The following MBOAT1 variants were observed in gnomAD, a reference collection of about 807,000 sequenced individuals.
The protein encoded by MBOAT1 is membrane-bound glycerophospholipid O-acyltransferase 1.
Under a neutral mutation model 64.4 loss-of-function variants are expected in MBOAT1, and 67 were observed. That is an observed-to-expected ratio of 1.04 (90% CI 0.85 to 1.27). The LOEUF (loss-of-function observed/expected upper bound fraction) is 1.27. Ranked by LOEUF, MBOAT1 falls within the 50% of genes most tolerant of loss-of-function variation. MBOAT1 has a pLI of 0.00. For missense variants in MBOAT1, 563 were observed against 604.6 expected (o/e 0.93, Z 0.72); for synonymous variants, 229 against 218.9 (o/e 1.05, Z -0.41).
intron 3 of MBOAT1, among the ~76,000 whole-genome samples, chr6:20,146,713 C>A (rs1739126166): frequency 6.6e-6 from 1 of 152,184 alleles, no homozygotes; most frequent in South Asian, 2.1e-4. Flanking sequence ...CTGTACCTTA[C>A]CCTGGCCCAC....
intron 1 of MBOAT1, among the ~76,000 whole-genome samples, chr6:20,200,419 C>T (rs2113769321): frequency 6.6e-6 from 1 of 152,166 alleles, no homozygotes; most frequent in East Asian, 1.9e-4. Flanking sequence ...TCTTGAAATT[C>T]CAGAGCCAAA....
At chr6:20,137,353 C>T (rs143387551) in intron 4 of MBOAT1, among the ~76,000 whole-genome samples, 14 of 152,202 alleles carry the variant, frequency 9.2e-5, no homozygotes, top group African/African-American at 3.4e-4. Flanking sequence ...TGGGGCCCTC[C>T]AAAGAAAACT....
chr6:20,151,320 A>G (rs1183509775), intron 2 of MBOAT1, 58 bp from the exon 3 acceptor site: 5 of 1,242,764 alleles, frequency 4.0e-6, no homozygotes, highest in Non-Finnish European at 5.9e-6. Flanking sequence ...TAACACAGCT[A>G]TTGGTCACCA....
chr6:20,209,265 C>T (rs1466301944), intron 1 of MBOAT1, among the ~76,000 whole-genome samples: 3 of 152,176 alleles, frequency 2.0e-5, no homozygotes, highest in African/African-American at 7.2e-5. Context: ...AATTATTATG[C>T]GCTATTTGTC....
At chr6:20,200,517 C>T (rs1763092174) in intron 1 of MBOAT1, among the ~76,000 whole-genome samples, 1 of 152,106 alleles carries the variant, frequency 6.6e-6, no homozygotes, top group South Asian at 2.1e-4. Flanking sequence ...GAGGCAGAGC[C>T]ATTTTTATCC....
rs1581388564 is a variant in MBOAT1 at position 20,101,840 on chromosome 6, G to A, written c.*446C>T. On this transcript the variant is annotated 3_prime_UTR_variant, in exon 13 of 13. Coordinates refer to ENST00000324607, the MANE Select transcript of MBOAT1 (RefSeq NM_001080480.3). Reference sequence around the variant, plus strand: ...GCTTTATAAAAATACTCCCGGCCGGGCGCGGTGGCTCACGCCTGTAATCCC... The same window carrying A: ...GCTTTATAAAAATACTCCCGGCCGGACGCGGTGGCTCACGCCTGTAATCCC... 6.6e-6 allele frequency among the ~76,000 whole-genome samples: 1 copy of A among 152,104 alleles called. No individual in the cohort carries two copies. The highest frequency in any genetic ancestry group is 1.9e-4 in the East Asian group (1 of 5,188).
rs527903387 is a variant in MBOAT1, at chr6:20,152,448, C to A, written c.245+176G>T. Among the ~76,000 whole-genome samples the A allele has an allele frequency of 2.6e-5, 4 of 151,636 alleles. No homozygotes were observed. The East Asian group carries it at 7.8e-4, about 29-fold the overall frequency. On this transcript the variant is annotated intron_variant, in intron 2 of 12. Transcript: ENST00000324607. Reference sequence around the variant, plus strand: ...TGGATGGTCAATTTATTGGCTCTTACAGTAAATGGAGAGTCCTGCAATGTC... The same window carrying A: ...TGGATGGTCAATTTATTGGCTCTTAAAGTAAATGGAGAGTCCTGCAATGTC...
intron 4 of MBOAT1, 95 bp downstream of exon 4, chr6:20,144,125 C>A (rs1402522320): frequency 2.6e-6 from 2 of 775,932 alleles, no homozygotes; most frequent in African/African-American, 3.5e-5. Context: ...AACCAAGCAC[C>A]AACGATTCTT....
intron 7 of MBOAT1, among the ~76,000 whole-genome samples, chr6:20,124,883 T>C (rs530228729): frequency 2.6e-5 from 4 of 152,324 alleles, no homozygotes; most frequent in South Asian, 2.1e-4. Context: ...TAAGTACTTA[T>C]ATTATCCAAA....
In MBOAT1 at chr6:20,212,392, A is replaced by T; in HGVS notation, c.-158T>A. On this transcript the variant is annotated 5_prime_UTR_variant, in exon 1 of 13. Transcript: ENST00000324607. Reference sequence around the variant, plus strand: ...GAGGCCGGGGAATGCGAACCGGCGCAAACTCTCGAGGCGCAAACTCTCGAG... The same window carrying T: ...GAGGCCGGGGAATGCGAACCGGCGCTAACTCTCGAGGCGCAAACTCTCGAG... The T allele has an allele frequency of 3.1e-6, 2 of 655,560 alleles. No individual in the cohort carries two copies. Among genetic ancestry groups the T allele is most frequent in the East Asian group, 5.7e-5 (2 of 35,200 alleles). The allele number at this position is 655,560 out of a possible 1,614,324, so 40.6% of individuals were successfully genotyped here. A position where few individuals can be genotyped will look rare whatever the true frequency, so the allele number is the denominator to read the frequency against.
At chr6:20,126,823 T>C in intron 6 of MBOAT1, 123 bp from the exon 7 acceptor site, 1 of 759,786 alleles carries the variant, frequency 1.3e-6, no homozygotes, top group Non-Finnish European at 2.1e-6. Context: ...CTTTCCTTGT[T>C]TTGTTTCTAC....
chr6:20,143,575 G>T (rs1215453172), intron 4 of MBOAT1, among the ~76,000 whole-genome samples: 1 of 152,148 alleles, frequency 6.6e-6, no homozygotes, highest in Non-Finnish European at 1.5e-5. Context: ...AGACTACGTG[G>T]AAAGAACCAC....
chr6:20,124,629 G>A (rs949550), intron 7 of MBOAT1, 29 bp from the exon 8 acceptor site: 404,791 of 1,608,060 alleles, frequency 0.25, 54,467 homozygotes, highest in East Asian at 0.5. Flanking sequence ...CAGTGTCACC[G>A]TGCAGAAGGC....
chr6:20,166,133 TG>T (rs1762009403), intron 1 of MBOAT1, among the ~76,000 whole-genome samples: 1 of 152,180 alleles, frequency 6.6e-6, no homozygotes, highest in African/African-American at 2.4e-5. Flanking sequence ...TATACCCATA[TG>T]CATTGATTTC....
chr6:20,115,308 C>T lies in MBOAT1; in HGVS notation c.1056G>A (p.Gln352=). 1 of 1,613,588 alleles carries T rather than the reference C, an allele frequency of 6.2e-7. No individual in the cohort carries two copies. Among genetic ancestry groups the T allele is most frequent in the Non-Finnish European group, 8.5e-7 (1 of 1,179,816 alleles). ...FKMYLENWNI[Q]TATWLKCVCY... ...CTTACCACTTTAGCCAAGTAGCTGT[C>T]TGAATATTCCAGTTTTCCAAGTACA... The change falls in exon 10 of 13, where the codon CAG becomes CAA. Residue 352 remains glutamine (Q), a synonymous_variant. Coordinates refer to ENST00000324607, the MANE Select transcript of MBOAT1 (RefSeq NM_001080480.3).
intron 1 of MBOAT1, among the ~76,000 whole-genome samples, chr6:20,157,856 A>G (rs1341654455): frequency 2.0e-5 from 3 of 152,308 alleles, no homozygotes; most frequent in South Asian, 2.1e-4. Flanking sequence ...TGGGTGGCCA[A>G]AGAAAATGAA....
chr6:20,137,850 G>A (rs970488919), intron 4 of MBOAT1, among the ~76,000 whole-genome samples: 1 of 152,186 alleles, frequency 6.6e-6, no homozygotes, highest in African/African-American at 2.4e-5. Context: ...TTGCATGCAT[G>A]CTCAAAAGAG....
At chr6:20,174,259 G>A (rs530977171) in intron 1 of MBOAT1, among the ~76,000 whole-genome samples, 6 of 152,280 alleles carry the variant, frequency 3.9e-5, no homozygotes, top group African/African-American at 9.6e-5. Flanking sequence ...ATGGGAATAC[G>A]TTCTGAGAAA....
At chr6:20,188,513 T>A (rs905212329) in intron 1 of MBOAT1, among the ~76,000 whole-genome samples, 1 of 151,904 alleles carries the variant, frequency 6.6e-6, no homozygotes, top group Non-Finnish European at 1.5e-5. Flanking sequence ...AAGGGTGAGG[T>A]TGGAGGGAAA....
Sources: allele counts gnomAD v4.1 joint callset (sites outside exome capture counted in the v4.1 genomes callset), GRCh38; gene constraint gnomAD v4.1.1; transcripts MANE v1.5; gene names NCBI Gene and HGNC (gene_info 2026-07-23, HGNC 2026-07-21).